Variants in DCDC1 observed in about 807,000 individuals in gnomAD.
DCDC1 encodes the protein doublecortin domain containing 1, also known as doublecortin domain-containing protein 1.
In DCDC1, 200 loss-of-function variants were observed where a neutral mutation model predicts 178.3. The ratio of observed to expected loss-of-function variants is 1.12; its 90% CI spans 1.00 to 1.26. The LOEUF is 1.26. Among genes scored for constraint, DCDC1 ranks in the 50% most tolerant of loss-of-function variants. The pLI is 0.00. For missense variants in DCDC1, 1,983 were observed against 1,749.2 expected, an observed-to-expected ratio of 1.13 and a Z score of -2.38; for synonymous variants, 690 against 604.8, an observed-to-expected ratio of 1.14 and a Z score of -2.07.
chr11:31,358,155 G>C (rs1951493660), intron 1 of DCDC1, among the ~76,000 whole-genome samples: 1 of 151,130 alleles, frequency 6.6e-6, no homozygotes, highest in African/African-American at 2.4e-5. Context: ...AAAGAACAAA[G>C]CTGGAGGCAT....
chr11:30,878,788 A>G, intron 37 of DCDC1, 77 bp from the exon 38 acceptor site: 1 of 1,406,840 alleles, frequency 7.1e-7, no homozygotes, highest in Non-Finnish European at 9.4e-7. Context: ...AGGATGATGA[A>G]AAACTTGAAG....
At chr11:31,106,564 T>G (rs1958862681) in intron 13 of DCDC1, among the ~76,000 whole-genome samples, 1 of 152,186 alleles carries the variant, frequency 6.6e-6, no homozygotes, top group East Asian at 1.9e-4. Context: ...ACAGGCAGAC[T>G]TCAAGAACTA....
chr11:31,300,328 G>A (rs1057005279), intron 6 of DCDC1, among the ~76,000 whole-genome samples: 3 of 152,128 alleles, frequency 2.0e-5, no homozygotes, highest in African/African-American at 7.2e-5. Context: ...TTCTAGAAAG[G>A]TAAAAGTGGA....
intron 20 of DCDC1, among the ~76,000 whole-genome samples, chr11:31,008,844 A>C (rs996374196): frequency 6.6e-6 from 1 of 152,214 alleles, no homozygotes; most frequent in African/African-American, 2.4e-5. Context: ...GTAGAAAATA[A>C]AATAAATGAA....
chr11:30,989,863 C>G (rs765419337), intron 20 of DCDC1, among the ~76,000 whole-genome samples: 4 of 152,122 alleles, frequency 2.6e-5, no homozygotes, highest in Non-Finnish European at 5.9e-5. Flanking sequence ...AGAAACCTCT[C>G]AGGCTACCAA....
At chr11:30,887,223 A>G (rs1943255349) in intron 36 of DCDC1, among the ~76,000 whole-genome samples, 1 of 152,190 alleles carries the variant, frequency 6.6e-6, no homozygotes, top group South Asian at 2.1e-4. Flanking sequence ...TTCATGTTCA[A>G]TATTTTATCT....
At position 31,275,294 on chromosome 11, in the gene DCDC1, T is replaced by A. The variant is rs16922016; in HGVS notation, c.961-9694A>T. 1.6e-3 allele frequency among the ~76,000 whole-genome samples: 248 copies of A among 152,290 alleles called. 6 individuals carry two copies. In the East Asian group the frequency reaches 0.02, roughly 13 times the overall value. The stretch of plus-strand genomic sequence containing the variant: ...GAATTTTTTTCAAATAAACCAATTC[T>A]TTTTAGTACCAGAGCACTGACTTTT... On this transcript the variant is annotated intron_variant, in intron 7 of 38. Transcript: ENST00000684477.
rs535720845 is a variant in DCDC1 at position 30,934,405 on chromosome 11, T to C, written c.2716-2453A>G. 2.7e-4 allele frequency among the ~76,000 whole-genome samples: 41 copies of C among 152,266 alleles called. No homozygotes were observed. The South Asian group carries it at 8.1e-3, about 30-fold the overall frequency. On this transcript the variant is annotated intron_variant, in intron 21 of 38. Transcript: ENST00000684477. The stretch of plus-strand genomic sequence containing the variant: ...ATTGGATGGTAACAGGTTATAGAAG[T>C]TCCTTTTCCCACAATATCACCAGCT...
intron 20 of DCDC1, among the ~76,000 whole-genome samples, chr11:30,985,406 C>T (rs943659954): frequency 6.6e-6 from 1 of 152,136 alleles, no homozygotes; most frequent in Non-Finnish European, 1.5e-5. Context: ...TGTTAAAACA[C>T]TGCAGTATGT....
intron 20 of DCDC1, among the ~76,000 whole-genome samples, chr11:30,965,047 C>A (rs1381549100): frequency 6.6e-6 from 1 of 152,154 alleles, no homozygotes; most frequent in Non-Finnish European, 1.5e-5. Flanking sequence ...AGCCTGAAGA[C>A]AGGGTGAGTG....
At chr11:31,112,829 T>C (rs1959209066) in intron 11 of DCDC1, among the ~76,000 whole-genome samples, 1 of 152,192 alleles carries the variant, frequency 6.6e-6, no homozygotes, top group Admixed American at 6.5e-5. Context: ...TTCATTGTAA[T>C]GTCAATTTAT....
At chr11:30,911,482 G>C (rs555030025) in intron 27 of DCDC1, 62 bp from the exon 28 acceptor site, 3 of 1,299,316 alleles carry the variant, frequency 2.3e-6, no homozygotes, top group Non-Finnish European at 3.3e-6. Flanking sequence ...CTCCCTCTGT[G>C]CCACTTAGCA....
intron 21 of DCDC1, among the ~76,000 whole-genome samples, chr11:30,944,607 AT>A (rs1947882545): frequency 6.6e-6 from 1 of 152,222 alleles, no homozygotes; most frequent in Admixed American, 6.5e-5. Context: ...GTTCCTTCAA[AT>A]AAGGTGGATT....
intron 20 of DCDC1, among the ~76,000 whole-genome samples, chr11:30,967,808 T>C (rs772429317): frequency 3.3e-5 from 5 of 151,944 alleles, no homozygotes; most frequent in Non-Finnish European, 7.4e-5. Context: ...TCTGTGTCAA[T>C]CAAAGTTCTT....
intron 20 of DCDC1, among the ~76,000 whole-genome samples, chr11:30,983,082 T>C (rs915334437): frequency 1.3e-5 from 2 of 152,122 alleles, no homozygotes; most frequent in African/African-American, 2.4e-5. Context: ...ACTTCTCTAA[T>C]ATAACAGGAA....
intron 9 of DCDC1, among the ~76,000 whole-genome samples, chr11:31,201,867 T>A (rs529172074): frequency 6.6e-6 from 1 of 152,298 alleles, no homozygotes; most frequent in South Asian, 2.1e-4. Flanking sequence ...TCATTTTAAA[T>A]CCTTAAAAGA....
intron 9 of DCDC1, among the ~76,000 whole-genome samples, chr11:31,174,962 T>C (rs1967791366): frequency 6.6e-6 from 1 of 152,194 alleles, no homozygotes; most frequent in South Asian, 2.1e-4. Flanking sequence ...ACCTGCCAAA[T>C]GGCAGGGCTA....
rs774786031 is a variant in DCDC1, at chr11:30,878,690, A to G, written c.5255T>C (p.Ile1752Thr). ...TPKELKQLME[I>T]RANYARIRRQ... ...TCGGATTCTGGCATAATTTGCTCTG[A>G]TCTCCATCAGTTGTTTTAACTCTGT... is the stretch of plus-strand genomic sequence containing the variant. Residue 1752 changes from isoleucine (I) to threonine (T), a missense_variant, in exon 38 of 39, where the codon ATC becomes ACC. Coordinates refer to ENST00000684477, the MANE Select transcript of DCDC1 (RefSeq NM_001387274.1). The G allele has an allele frequency of 6.3e-7, 1 of 1,591,342 alleles. No individual in the cohort carries two copies. The highest frequency in any genetic ancestry group is 1.1e-5 in the South Asian group (1 of 87,792).
chr11:30,955,817 C>G (rs1240988002), intron 20 of DCDC1, among the ~76,000 whole-genome samples: 2 of 152,182 alleles, frequency 1.3e-5, no homozygotes, highest in South Asian at 4.1e-4. Flanking sequence ...ATTGCCCCTT[C>G]TCCTTCTCTG....
Sources: gnomAD v4.1 joint callset for allele counts (sites outside exome capture counted in the v4.1 genomes callset) on GRCh38, gnomAD v4.1.1 for gene constraint, MANE v1.5 for transcripts, NCBI Gene and HGNC (gene_info 2026-07-23, HGNC 2026-07-21) for gene names.